CROCC: variants seen among roughly 807,000 people sequenced by gnomAD.
CROCC encodes the protein ciliary rootlet coiled-coil, rootletin.
A neutral mutation model predicts 245.2 loss-of-function variants in CROCC; 180 were observed. The observed-to-expected ratio is 0.73, with a 90% CI of 0.65 to 0.83. CROCC has a LOEUF of 0.83. CROCC is among the 40% of genes least tolerant of loss of function. The pLI is 0.00. For missense variants in CROCC, 2,688 were observed against 2,779.4 expected (o/e 0.97, Z 0.74); for synonymous variants, 1,205 against 1,241.6 (o/e 0.97, Z 0.62).
intron 20 of CROCC, among the ~76,000 whole-genome samples, chr1:16,952,710 CTG>C: frequency 6.6e-6 from 1 of 152,204 alleles, no homozygotes. Context: ...GTCCCCAAAT[CTG>C]TGTTCTCTCC....
chr1:16,952,877 A>C (rs2100494553), intron 20 of CROCC, among the ~76,000 whole-genome samples: 1 of 150,736 alleles, frequency 6.6e-6, no homozygotes, highest in South Asian at 2.1e-4. Flanking sequence ...CCTCTCTCCC[A>C]CTCCCCTCAC....
chr1:16,923,504 AC>A (rs2075456082), intron 2 of CROCC, among the ~76,000 whole-genome samples: 1 of 151,976 alleles, frequency 6.6e-6, no homozygotes, highest in Non-Finnish European at 1.5e-5. Context: ...GAGGTGGACA[AC>A]CCCGCTTCTC....
chr1:16,921,803 T>A, upstream of CROCC: 2 of 572,312 alleles, frequency 3.5e-6, no homozygotes, highest in Non-Finnish European at 6.3e-6. Flanking sequence ...TTTGGCTCCC[T>A]GCCTCTGCTT....
At chr1:16,940,220 G>GTGTA (rs1481598716) in intron 13 of CROCC, 127 bp downstream of exon 13, 3 of 1,074,724 alleles carry the variant, frequency 2.8e-6, no homozygotes, top group Non-Finnish European at 3.9e-6. Flanking sequence ...GCCTATTAAC[G>GTGTA]TTTATTTATT....
chr1:16,966,851 GGAGTTT>G lies in CROCC; in HGVS notation c.4860+284_4860+289del, dbSNP rs1464784907. On this transcript the variant is annotated intron_variant, in intron 30 of 36. Transcript: ENST00000375541. This position sits in a 1 kb window ranked among gnomAD's most constrained non-coding sequence, Gnocchi z 4.8. ...GAGGCAGGTGGATCCCTTGAGCACA[GGAGTTT>G]GAGACCAGCCTGGGCAACATGGTGA... Among the ~76,000 whole-genome samples the G allele has an allele frequency of 6.6e-6, 1 of 152,128 alleles. No homozygotes were observed. Among genetic ancestry groups the G allele is most frequent in the East Asian group, 1.9e-4 (1 of 5,182 alleles).
At position 16,937,727 on chromosome 1, in the gene CROCC, T is replaced by C. The variant is rs763042365; in HGVS notation, c.1280T>C (p.Leu427Pro). 6.2e-6 allele frequency: 10 copies of C among 1,609,856 alleles called. No individual in the cohort carries two copies. The East Asian group carries it at 8.9e-5, about 14-fold the overall frequency. ...DQVNKDLTEK[L>P]EALESLRLQE... The stretch of plus-strand genomic sequence containing the variant: ...GTCAACAAGGACCTCACTGAGAAGC[T>C]TGAGGCCCTGGTGAGCTGCAGGTGC... Residue 427 changes from leucine (L) to proline (P), a missense_variant, in exon 10 of 37, where the codon CTT (leucine) becomes CCT (proline). By Grantham distance (98) the Leu-to-Pro change is moderately conservative (BLOSUM62 -3). Around this residue, in one of 9 missense-constraint regions of CROCC, gnomAD observed 972 missense variants for 895.3 expected, o/e 1.09. Transcript: ENST00000375541.
At chr1:16,916,893 A>G (rs1354410114) in intron 1 of CROCC, among the ~76,000 whole-genome samples, 42 of 152,372 alleles carry the variant, frequency 2.8e-4, no homozygotes, top group African/African-American at 9.9e-4. Context: ...CGAGGCGGGT[A>G]GATCACTTGA....
rs765909220 is a variant in CROCC at position 16,954,298 on chromosome 1, A to G, written c.3262A>G (p.Ile1088Val). 4 of 1,611,914 alleles carry G rather than the reference A, an allele frequency of 2.5e-6. No homozygotes were observed. In the South Asian group the frequency reaches 3.3e-5, roughly 13 times the overall value. Reference sequence around the variant, plus strand: ...GGGTACACGGCACAGCCTGGCCACCATCTCCCTGGAGATGGAGCGGCAGAA... The same window carrying G: ...GGGTACACGGCACAGCCTGGCCACCGTCTCCCTGGAGATGGAGCGGCAGAA... ...LMGTRHSLAT[I>V]SLEMERQKRD... The change falls in exon 22 of 37, where the codon ATC (isoleucine) becomes GTC (valine). Residue 1088 changes from isoleucine (I) to valine (V), a missense_variant. Physicochemically the swap from Ile to Val is conservative, Grantham distance 29 (BLOSUM62 3). Around this residue, in one of 9 missense-constraint regions of CROCC, gnomAD observed 32 missense variants for 54.1 expected, o/e 0.59. Transcript: ENST00000375541. This position sits in a 1 kb window ranked among gnomAD's most constrained non-coding sequence, Gnocchi z 4.4.
intron 8 of CROCC, among the ~76,000 whole-genome samples, chr1:16,934,892 CTTT>C (rs556637657): frequency 0.011 from 1,471 of 128,120 alleles, no homozygotes; most frequent in African/African-American, 0.039. Context: ...TCAGCAGTTT[CTTT>C]TTTTTTTTTT....
chr1:16,925,356 A>G (rs1175600243), intron 3 of CROCC, among the ~76,000 whole-genome samples: 1 of 152,268 alleles, frequency 6.6e-6, no homozygotes, highest in Non-Finnish European at 1.5e-5. Context: ...CCCATGTAAC[A>G]GAGGAGAAAA....
At chr1:16,968,152 G>C (rs1436236136) in intron 30 of CROCC, 51 bp from the exon 31 acceptor site, 3 of 1,524,728 alleles carry the variant, frequency 2.0e-6, no homozygotes, top group Non-Finnish European at 2.7e-6. Context: ...GTGTGCGGGA[G>C]GGCTGCGGGG....
At position 16,945,533 on chromosome 1, in the gene CROCC, C is replaced by T. The variant is rs754708972; in HGVS notation, c.2063C>T (p.Ala688Val). The T allele has an allele frequency of 1.2e-5, 19 of 1,611,722 alleles. No individual in the cohort carries two copies. Among genetic ancestry groups the T allele is most frequent in the Middle Eastern group, 2.2e-4 (1 of 4,580 alleles). Residue 688 changes from alanine to valine, a missense_variant, in exon 15 of 37, where the codon GCG (alanine) becomes GTG (valine). Ala to Val is a moderately conservative substitution (Grantham distance 64). This residue lies in a region of CROCC where 18 missense variants were observed against 61.1 expected (regional missense o/e 0.29). Coordinates refer to ENST00000375541, the MANE Select transcript of CROCC (RefSeq NM_014675.5). Reference protein sequence around the residue: ...LAKELVEVREALSRATLQRDM... With the variant: ...LAKELVEVREVLSRATLQRDM... ...AAGGAGCTGGTGGAGGTGAGGGAGGCGCTGAGCCGCGCCACACTGCAACGG... is the reference window on the plus strand; with the variant it reads ...AAGGAGCTGGTGGAGGTGAGGGAGGTGCTGAGCCGCGCCACACTGCAACGG...
upstream of CROCC, among the ~76,000 whole-genome samples, chr1:16,920,620 T>C (rs547636378): frequency 6.6e-6 from 1 of 152,374 alleles, no homozygotes; most frequent in South Asian, 2.1e-4. Flanking sequence ...TCAGACCTGA[T>C]ACTGACTCCA....
rs748760516 is a variant in CROCC, at chr1:16,939,073, G to C, written c.1539G>C (p.Pro513=). Residue 513 remains proline (P), a synonymous_variant, in exon 12 of 37, where the codon CCG becomes CCC. Coordinates refer to ENST00000375541, the MANE Select transcript of CROCC (RefSeq NM_014675.5). ...GTTCACCCCGCCGAGGCCCCTCCCC[G>C]GCCTGCTCAGACTCCTCCACGCTCG... is the stretch of plus-strand genomic sequence containing the variant. ...RGRSPRRGPS[P]ACSDSSTLAL... is the part of the protein sequence containing the mutation. 2 of 1,584,976 alleles carry C rather than the reference G, an allele frequency of 1.3e-6. No homozygotes were observed. Among genetic ancestry groups the C allele is most frequent in the Admixed American group, 1.8e-5 (1 of 55,496 alleles).
rs1294755729 is a variant in CROCC, at chr1:16,968,371, G to T, written c.5029G>T (p.Ala1677Ser). 6 of 1,527,772 alleles carry T rather than the reference G, an allele frequency of 3.9e-6. No homozygotes were observed. The Admixed American group carries it at 1.3e-4, about 33-fold the overall frequency. The allele number at this position is 1,527,772 out of a possible 1,614,324, so 94.6% of individuals were successfully genotyped here. The change falls in exon 31 of 37, where the codon GCC becomes TCC. Residue 1677 changes from alanine (A) to serine (S), a missense_variant. Coordinates refer to ENST00000375541, the MANE Select transcript of CROCC (RefSeq NM_014675.5). ...CCGCCTGGGCCTCAGTGACCGCGAG[G>T]CCCAAGCCCAGGCCCTCCAGGATCG... is the stretch of plus-strand genomic sequence containing the variant. ...RSRLGLSDRE[A>S]QAQALQDRVD...
rs571559634 is a variant in CROCC, at chr1:16,947,223, T to C, written c.2514+232T>C. ...CAGGCGCAGTGGCTCACGCCTATAA[T>C]CCCAGCACTTTGGGAGGCCGAGGCG... On this transcript the variant is annotated intron_variant, in intron 17 of 36. Coordinates refer to ENST00000375541, the MANE Select transcript of CROCC (RefSeq NM_014675.5). 3.0e-4 allele frequency among the ~76,000 whole-genome samples: 46 copies of C among 152,374 alleles called. No homozygotes were observed. The South Asian group carries it at 9.3e-3, about 31-fold the overall frequency.
intron 8 of CROCC, among the ~76,000 whole-genome samples, chr1:16,936,162 C>T (rs2075784022): frequency 6.6e-6 from 1 of 152,234 alleles, no homozygotes; most frequent in Non-Finnish European, 1.5e-5. Flanking sequence ...CTATGTTTCC[C>T]ATGCTGGCCT....
chr1:16,938,308 C>G, intron 10 of CROCC, 92 bp from the exon 11 acceptor site: 1 of 1,255,838 alleles, frequency 8.0e-7, no homozygotes, highest in East Asian at 2.5e-5. Flanking sequence ...CAGAGGCCAC[C>G]TGGTCAGTGG....
chr1:16,930,872 C>T (rs1260253392), intron 7 of CROCC, among the ~76,000 whole-genome samples: 11 of 152,296 alleles, frequency 7.2e-5, no homozygotes, highest in Admixed American at 7.2e-4. Flanking sequence ...CGCAGTGGCT[C>T]ACGCCTGTAA....
Sources: gnomAD v4.1 joint callset for allele counts (sites outside exome capture counted in the v4.1 genomes callset) on GRCh38, gnomAD v4.1.1 for gene constraint, gnomAD v4.1.1 regional missense constraint, Gnocchi (gnomAD v3.1) non-coding constraint, MANE v1.5 for transcripts, NCBI Gene and HGNC (gene_info 2026-07-23, HGNC 2026-07-21) for gene names.